Variants in L3MBTL4 observed in about 807,000 individuals in gnomAD.
L3MBTL4 encodes the protein L3MBTL histone methyl-lysine binding protein 4, also known as lethal(3)malignant brain tumor-like protein 4.
In L3MBTL4, 70 loss-of-function variants were observed where a neutral mutation model predicts 84.5. That is an observed-to-expected ratio of 0.83 (90% confidence interval 0.68 to 1.01). The LOEUF is 1.01. L3MBTL4 is among the 50% of genes least tolerant of loss of function. The pLI, the probability that L3MBTL4 is intolerant of heterozygous loss-of-function variation, is 0.00. For missense variants in L3MBTL4, 715 were observed against 754.8 expected (o/e 0.95, Z 0.62); for synonymous variants, 274 against 259.8 (o/e 1.05, Z -0.52).
At chr18:6,203,549 CT>C (rs954089890) in intron 12 of L3MBTL4, among the ~76,000 whole-genome samples, 18 of 152,164 alleles carry the variant, frequency 1.2e-4, no homozygotes, top group Non-Finnish European at 1.5e-5. Context: ...AAAGAAGCCA[CT>C]CATACCTGAC....
intron 17 of L3MBTL4, among the ~76,000 whole-genome samples, chr18:5,965,233 A>G (rs2052287227): frequency 6.6e-6 from 1 of 152,216 alleles, no homozygotes; most frequent in Non-Finnish European, 1.5e-5. Context: ...AGAGACAGCC[A>G]TAGTAACAAA....
chr18:6,235,325 T>C (rs1599271928), intron 10 of L3MBTL4, among the ~76,000 whole-genome samples: 1 of 151,966 alleles, frequency 6.6e-6, no homozygotes, highest in African/African-American at 2.4e-5. Context: ...ACATAATAAA[T>C]ACAAATTTTA....
chr18:6,410,721 C>A (rs1183808083), intron 1 of L3MBTL4, among the ~76,000 whole-genome samples: 3 of 152,212 alleles, frequency 2.0e-5, no homozygotes, highest in Admixed American at 1.3e-4. Context: ...GCGGTCCCCA[C>A]CTGATACTTT....
At chr18:6,327,558 C>G (rs1043936739) in intron 1 of L3MBTL4, among the ~76,000 whole-genome samples, 1 of 152,076 alleles carries the variant, frequency 6.6e-6, no homozygotes, top group Non-Finnish European at 1.5e-5. Context: ...TAGATACACA[C>G]ACACATCAGG....
intron 1 of L3MBTL4, among the ~76,000 whole-genome samples, chr18:6,362,439 TCTG>T (rs1353000099): frequency 6.6e-6 from 1 of 152,180 alleles, no homozygotes; most frequent in African/African-American, 2.4e-5. Flanking sequence ...CCTCTCTCCT[TCTG>T]CTAACAGAGC....
chr18:6,242,392 C>T lies in L3MBTL4; in HGVS notation c.460+902G>A, dbSNP rs573137677. ...TGAAAGAGTGTCCCTGCAGCCACCG[C>T]CATTATCCTTCTCCTCTGAAATGAA... On this transcript the variant is annotated intron_variant, in intron 7 of 18. Transcript: ENST00000317931. Among the ~76,000 whole-genome samples the T allele has an allele frequency of 2.6e-5, 4 of 152,214 alleles. No individual in the cohort carries two copies. The South Asian group carries it at 8.3e-4, about 32-fold the overall frequency.
At chr18:6,406,992 T>A (rs372251758) in intron 1 of L3MBTL4, among the ~76,000 whole-genome samples, 1 of 152,238 alleles carries the variant, frequency 6.6e-6, no homozygotes. Flanking sequence ...CCTCACACTT[T>A]GCGCATCACG....
At chr18:5,978,210 G>A (rs628143) in intron 16 of L3MBTL4, among the ~76,000 whole-genome samples, 101,345 of 152,040 alleles carry the variant, frequency 0.67, 34,770 homozygotes, top group East Asian at 0.94. Context: ...AAGGCTGGGA[G>A]TTGTTTGTAA....
At chr18:6,401,726 A>G (rs2144654931) in intron 1 of L3MBTL4, among the ~76,000 whole-genome samples, 1 of 152,324 alleles carries the variant, frequency 6.6e-6, no homozygotes, top group South Asian at 2.1e-4. Context: ...GGCGGCTCTA[A>G]TATTTGAAAA....
intron 16 of L3MBTL4, among the ~76,000 whole-genome samples, chr18:5,987,564 G>T (rs78369379): frequency 0.024 from 3,636 of 152,244 alleles, 129 homozygotes; most frequent in African/African-American, 0.082. Context: ...CCTCACCTTG[G>T]CACTGGTTCC....
At chr18:6,248,733 C>A (rs1167438251) in intron 5 of L3MBTL4, among the ~76,000 whole-genome samples, 4 of 152,134 alleles carry the variant, frequency 2.6e-5, no homozygotes, top group Non-Finnish European at 5.9e-5. Context: ...TTACTAATGT[C>A]TCTTGGAAAC....
At chr18:6,234,662 A>G (rs2047140956) in intron 10 of L3MBTL4, among the ~76,000 whole-genome samples, 1 of 152,168 alleles carries the variant, frequency 6.6e-6, no homozygotes. Flanking sequence ...AAAAGTCAGG[A>G]AACATCAAGT....
At chr18:6,306,217 G>A (rs1160034808) in intron 3 of L3MBTL4, among the ~76,000 whole-genome samples, 1 of 152,184 alleles carries the variant, frequency 6.6e-6, no homozygotes, top group Non-Finnish European at 1.5e-5. Context: ...ATAAACTGAA[G>A]ATAAATAGAA....
intron 5 of L3MBTL4, among the ~76,000 whole-genome samples, chr18:6,248,772 C>T (rs561135967): frequency 2.6e-5 from 4 of 152,320 alleles, no homozygotes; most frequent in South Asian, 2.1e-4. Flanking sequence ...AACTATTACA[C>T]GTACTCTTTT....
chr18:6,373,480 C>T (rs1459229187), intron 1 of L3MBTL4, among the ~76,000 whole-genome samples: 2 of 152,162 alleles, frequency 1.3e-5, no homozygotes, highest in African/African-American at 4.8e-5. Flanking sequence ...AGCAGCCATG[C>T]CTAGTTCTTC....
At chr18:6,191,825 C>CA (rs1355026623) in intron 12 of L3MBTL4, among the ~76,000 whole-genome samples, 1 of 151,858 alleles carries the variant, frequency 6.6e-6, no homozygotes, top group East Asian at 1.9e-4. Flanking sequence ...TTTGTCACTA[C>CA]AAAAAATTTT....
chr18:6,094,946 T>C (rs1361666108), intron 14 of L3MBTL4, among the ~76,000 whole-genome samples: 1 of 152,188 alleles, frequency 6.6e-6, no homozygotes, highest in East Asian at 1.9e-4. Context: ...TAATTTGTAA[T>C]AATCAGTATT....
At chr18:6,405,348 T>C (rs1250195627) in intron 1 of L3MBTL4, among the ~76,000 whole-genome samples, 1 of 152,194 alleles carries the variant, frequency 6.6e-6, no homozygotes, top group Admixed American at 6.5e-5. Flanking sequence ...CGCAATGCGA[T>C]CCAGCTGACA....
chr18:6,381,314 G>T (rs2054586939), intron 1 of L3MBTL4, among the ~76,000 whole-genome samples: 1 of 152,128 alleles, frequency 6.6e-6, no homozygotes, highest in African/African-American at 2.4e-5. Context: ...TTTAATTGGG[G>T]CATTTAGCCC....
Sources: allele counts gnomAD v4.1 joint callset (sites outside exome capture counted in the v4.1 genomes callset), GRCh38; gene constraint gnomAD v4.1.1; transcripts MANE v1.5; gene names NCBI Gene and HGNC (gene_info 2026-07-23, HGNC 2026-07-21).